Variants in LRRC63 observed in about 807,000 individuals in gnomAD.
The protein encoded by LRRC63 is leucine-rich repeat-containing protein 63.
LRRC63 carries 40 observed loss-of-function variants against 49.5 expected under a neutral mutation model. That is an observed-to-expected ratio of 0.81 (90% CI 0.63 to 1.05). The LOEUF is 1.05. Among genes scored for constraint, LRRC63 ranks in the 50% least tolerant of loss-of-function variants. LRRC63 has a pLI of 0.00. For synonymous variants in LRRC63, 191 were observed against 221.1 expected (o/e 0.86, Z 1.21); for missense variants, 636 against 663.1 (o/e 0.96, Z 0.45).
At chr13:46,271,199 TC>T (rs1314490180) in intron 9 of LRRC63, among the ~76,000 whole-genome samples, 3 of 152,176 alleles carry the variant, frequency 2.0e-5, no homozygotes, top group Non-Finnish European at 4.4e-5. Flanking sequence ...CTGGAACCGA[TC>T]CCCCATGTAA....
intron 4 of LRRC63, among the ~76,000 whole-genome samples, chr13:46,232,333 A>G (rs17067865): frequency 0.064 from 9,669 of 152,224 alleles, 691 homozygotes; most frequent in African/African-American, 0.18. Flanking sequence ...TTGCTAGCTA[A>G]TTGTAAGCTG....
chr13:46,273,885 C>T (rs1357890822), intron 9 of LRRC63, among the ~76,000 whole-genome samples: 3 of 147,666 alleles, frequency 2.0e-5, no homozygotes, highest in African/African-American at 7.7e-5. Context: ...GGACTCCAGC[C>T]TGGGTGACAG....
chr13:46,229,364 G>A (rs1446218570), intron 4 of LRRC63, among the ~76,000 whole-genome samples: 1 of 152,140 alleles, frequency 6.6e-6, no homozygotes, highest in Non-Finnish European at 1.5e-5. Flanking sequence ...TGAAGGAACT[G>A]GACAGTAACC....
intron 4 of LRRC63, among the ~76,000 whole-genome samples, chr13:46,230,575 TTGGAGTC>T (rs1426631962): frequency 6.6e-6 from 1 of 152,194 alleles, no homozygotes. Flanking sequence ...GCCGAAGAAC[TTGGAGTC>T]TGATATTCTA....
At chr13:46,218,398 A>G (rs2046313541) in intron 2 of LRRC63, among the ~76,000 whole-genome samples, 1 of 149,512 alleles carries the variant, frequency 6.7e-6, no homozygotes, top group Non-Finnish European at 1.5e-5. Flanking sequence ...AGTCTGCTTT[A>G]TCAGAGACTG....
At chr13:46,241,714 A>G (rs943031041) in intron 5 of LRRC63, among the ~76,000 whole-genome samples, 3 of 152,250 alleles carry the variant, frequency 2.0e-5, no homozygotes, top group Admixed American at 6.5e-5. Context: ...ACAAGCATGA[A>G]AAAAGCTCAA....
Position 46,229,221 on chromosome 13 carries a change from G to C in LRRC63, c.832+488G>C, listed in dbSNP as rs537552883. 4.6e-5 allele frequency among the ~76,000 whole-genome samples: 7 copies of C among 152,282 alleles called. No homozygotes were observed. In the Middle Eastern group the frequency reaches 0.01, roughly 222 times the overall value. ...AGAAACATATCCACAGGATTATTTG[G>C]TATTAGAATTATTGGGCACATTTTT... On this transcript the variant is annotated intron_variant, in intron 4 of 9. Transcript: ENST00000595396.
At chr13:46,239,189 G>A (rs993224560) in intron 5 of LRRC63, among the ~76,000 whole-genome samples, 4 of 152,058 alleles carry the variant, frequency 2.6e-5, no homozygotes, top group Admixed American at 1.3e-4. Context: ...AAGATCAGCA[G>A]ATCCAGGAGT....
chr13:46,273,250 T>C (rs2047783751), intron 9 of LRRC63, among the ~76,000 whole-genome samples: 1 of 151,756 alleles, frequency 6.6e-6, no homozygotes, highest in Non-Finnish European at 1.5e-5. Flanking sequence ...GGAAACAAAA[T>C]GGGAAAAGAG....
At chr13:46,246,092 G>A (rs558328221) in intron 5 of LRRC63, among the ~76,000 whole-genome samples, 1 of 152,194 alleles carries the variant, frequency 6.6e-6, no homozygotes, top group East Asian at 1.9e-4. Context: ...GTTTCAAAGT[G>A]TGTGGCACCT....
intron 5 of LRRC63, among the ~76,000 whole-genome samples, chr13:46,241,506 A>T (rs901697355): frequency 6.6e-6 from 1 of 152,236 alleles, no homozygotes; most frequent in South Asian, 2.1e-4. Flanking sequence ...TCTGCATTAC[A>T]AAGAAAACTA....
intron 6 of LRRC63, chr13:46,249,819 A>G (rs1437459959): frequency 6.6e-6 from 1 of 152,034 alleles, no homozygotes; most frequent in Non-Finnish European, 1.5e-5. Context: ...AGTAAAGATC[A>G]TAGATTATTT....
rs1249669817 is a variant in LRRC63, at chr13:46,270,072, T to A, written c.1550+3100T>A. The A allele has an allele frequency of 1.9e-5, 11 of 586,122 alleles. No homozygotes were observed. The South Asian group carries it at 2.1e-4, about 11-fold the overall frequency. 36.3% of individuals were successfully genotyped at this position (586,122 alleles called of 1,614,324 possible). On this transcript the variant is annotated intron_variant, in intron 9 of 9. Coordinates refer to ENST00000595396, the Ensembl canonical transcript of LRRC63. ...TTTATAGGGGTGGTGGCGCCTGAGG[T>A]CACCATGGCTACCGAGCGCCAAACC...
At position 46,266,781 on chromosome 13, in the gene LRRC63, C is replaced by A. The variant is rs764266006; in HGVS notation, c.1359C>A (p.Pro453=). The A allele has an allele frequency of 3.2e-6, 5 of 1,549,532 alleles. No individual in the cohort carries two copies. The South Asian group carries it at 6.0e-5, about 18-fold the overall frequency. Residue 453 remains proline, a synonymous_variant, in exon 9 of 10, where the codon CCC becomes CCA. Coordinates refer to ENST00000595396, the Ensembl canonical transcript of LRRC63. ...ATGGGAATGAACTGAGTTTTTTCCC[C>A]CATGGAATTTTGAAGCTTAACCTGA...
chr13:46,256,275 A>G (rs1396065409), intron 7 of LRRC63, among the ~76,000 whole-genome samples: 1 of 152,248 alleles, frequency 6.6e-6, no homozygotes, highest in Non-Finnish European at 1.5e-5. Context: ...AAAGGCTGTC[A>G]GATCTCCAAA....
chr13:46,268,169 A>G (rs1310082005), intron 9 of LRRC63, among the ~76,000 whole-genome samples: 1 of 152,210 alleles, frequency 6.6e-6, no homozygotes, highest in Non-Finnish European at 1.5e-5. Context: ...ATGAGAAAGA[A>G]ATGTTAAGTA....
chr13:46,259,562 G>C (rs938398737), intron 7 of LRRC63, among the ~76,000 whole-genome samples: 1 of 152,088 alleles, frequency 6.6e-6, no homozygotes, highest in African/African-American at 2.4e-5. Context: ...AAAAAGAACC[G>C]AACAGCCTAT....
At chr13:46,212,859 C>CTTTTTTT in intron 1 of LRRC63, 143 bp from the exon 2 acceptor site, 1 of 501,448 alleles carries the variant, frequency 2.0e-6, no homozygotes, top group Non-Finnish European at 3.5e-6. Context: ...TTCTTACCCT[C>CTTTTTTT]TTTTTTTTTC....
chr13:46,252,852 G>A (rs1264243311), intron 7 of LRRC63, among the ~76,000 whole-genome samples: 2 of 152,036 alleles, frequency 1.3e-5, no homozygotes, highest in African/African-American at 4.8e-5. Context: ...ATGCCAAGTG[G>A]TAAGAAATGG....
Sources: allele counts gnomAD v4.1 joint callset (sites outside exome capture counted in the v4.1 genomes callset), GRCh38; gene constraint gnomAD v4.1.1; transcripts MANE v1.5; gene names NCBI Gene and HGNC (gene_info 2026-07-23, HGNC 2026-07-21).